The following USP9Y variants were observed in gnomAD, a reference collection of about 807,000 sequenced individuals.
USP9Y encodes ubiquitin carboxyl-terminal hydrolase 9Y.
A neutral mutation model predicts 53.1 loss-of-function variants in USP9Y; 41 were observed. That is an observed-to-expected ratio of 0.77 (90% CI 0.60 to 1.00). USP9Y has a LOEUF of 1.00. USP9Y is among the 50% of genes least tolerant of loss of function. USP9Y has a pLI of 0.00. For missense variants in USP9Y, 567 were observed against 535.8 expected, an observed-to-expected ratio of 1.06 and a Z score of -0.58; for synonymous variants, 220 against 173.7, an observed-to-expected ratio of 1.27 and a Z score of -2.09.
intron 27 of USP9Y, among the ~76,000 whole-genome samples, chrY:12,795,217 G>A (rs1034249601): frequency 3.0e-5 from 1 of 33,796 alleles, no homozygotes; most frequent in Non-Finnish European, 7.4e-5. Flanking sequence ...TTCATTGCTA[G>A]TATATCAAAA....
At chrY:12,731,058 T>C in intron 7 of USP9Y, among the ~76,000 whole-genome samples, 1 of 33,075 alleles carries the variant, frequency 3.0e-5, no homozygotes, top group Admixed American at 2.8e-4. Flanking sequence ...CTCATTTCCT[T>C]TTAGGCATAT....
chrY:12,849,578 T>C, intron 42 of USP9Y, among the ~76,000 whole-genome samples: 1 of 28,893 alleles, frequency 3.5e-5, no homozygotes, highest in African/African-American at 1.4e-4. Flanking sequence ...ATATTGGCTG[T>C]GGGTTTGTTA....
chrY:12,837,290 A>AT (rs2053555982), intron 34 of USP9Y, among the ~76,000 whole-genome samples: 1 of 32,475 alleles, frequency 3.1e-5, no homozygotes, highest in Non-Finnish European at 7.5e-5. Context: ...ATGGAAGATC[A>AT]TTTTTTTCAC....
Position 12,857,567 on chromosome Y carries a change from A to T in USP9Y, c.7436A>T (p.Glu2479Val). The change falls in exon 45 of 46, where the codon GAG (glutamate) becomes GTG (valine). Residue 2479 changes from glutamate to valine, a missense_variant and splice_region_variant. Transcript: ENST00000338981. The stretch of plus-strand genomic sequence containing the variant: ...ATCTCTTTAAATATTTAAAATTAGG[A>T]GCCAGATGACCAGGATGCCCCAGAT... ...AKACELCPEE[E>V]PDDQDAPDEH... is the part of the protein sequence containing the mutation. The T allele has an allele frequency of 2.6e-6, 1 of 382,296 alleles. No homozygotes were observed.
intron 15 of USP9Y, among the ~76,000 whole-genome samples, chrY:12,764,346 A>G (rs2053478412): frequency 3.0e-5 from 1 of 33,514 alleles, no homozygotes; most frequent in Non-Finnish European, 7.4e-5. Flanking sequence ...AAAACAATAG[A>G]TGATAAAAGA....
In USP9Y at chrY:12,846,341, G is replaced by GA; in HGVS notation, c.6583dup (p.Thr2195AsnfsTer31). Reference sequence around the variant, plus strand: ...TCTGTCCTTTTTTATAGGTGTGGCAGAAAAAACACAGCTTCTGAAATTGAA... The same window carrying GA: ...TCTGTCCTTTTTTATAGGTGTGGCAGAAAAAAACACAGCTTCTGAAATTGAA... On this transcript the variant is annotated frameshift_variant, in exon 40 of 46. Coordinates refer to ENST00000338981, the MANE Select transcript of USP9Y (RefSeq NM_004654.4). LOFTEE classifies it high-confidence loss of function. 1 of 397,091 alleles carries GA rather than the reference G, an allele frequency of 2.5e-6. No individual in the cohort carries two copies. Among genetic ancestry groups the GA allele is most frequent in the Non-Finnish European group, 3.5e-6 (1 of 282,690 alleles).
intron 38 of USP9Y, 91 bp downstream of exon 38, chrY:12,842,556 C>G: frequency 4.7e-6 from 1 of 211,583 alleles, no homozygotes; most frequent in Non-Finnish European, 7.9e-6. Flanking sequence ...ATTTATGTTC[C>G]TCTCTTTGAT....
Position 12,791,595 on chromosome Y carries a change from A to G in USP9Y, c.3784A>G (p.Asn1262Asp). ...CGALGLVFSP[N>D]EEITKIYQMT... The stretch of plus-strand genomic sequence containing the variant: ...GGCATTAGGACTAGTTTTTAGCCCA[A>G]ATGAAGAAATAACTAAAATTTATCA... The change falls in exon 26 of 46, where the codon AAT (asparagine) becomes GAT (aspartate). Residue 1262 changes from asparagine (N) to aspartate (D), a missense_variant. Physicochemically the swap from Asn to Asp is conservative, Grantham distance 23. Transcript: ENST00000338981. The G allele has an allele frequency of 2.6e-6, 1 of 389,854 alleles. No homozygotes were observed. The highest frequency in any genetic ancestry group is 3.6e-6 in the Non-Finnish European group (1 of 277,701).
intron 7 of USP9Y, among the ~76,000 whole-genome samples, chrY:12,728,074 T>C (rs2053444297): frequency 3.0e-5 from 1 of 33,313 alleles, no homozygotes; most frequent in African/African-American, 1.2e-4. Flanking sequence ...GGTTTTATCA[T>C]TGTGGTGGTA....
rs746911165 is a variant in USP9Y at position 12,816,116 on chromosome Y, C to T, written c.4610-8C>T. On this transcript the variant is annotated splice_region_variant and splice_polypyrimidine_tract_variant and intron_variant, in intron 31 of 45. Transcript: ENST00000338981. Reference sequence around the variant, plus strand: ...ATAGTATAAGCATCTTTTCTCTTTTCAACTCAGCTTGTGAAGCACTTACTG... The same window carrying T: ...ATAGTATAAGCATCTTTTCTCTTTTTAACTCAGCTTGTGAAGCACTTACTG... 1 of 396,164 alleles carries T rather than the reference C, an allele frequency of 2.5e-6. No homozygotes were observed. Among genetic ancestry groups the T allele is most frequent in the Non-Finnish European group, 3.6e-6 (1 of 281,507 alleles).
chrY:12,712,882 C>T, intron 3 of USP9Y, among the ~76,000 whole-genome samples: 1 of 32,657 alleles, frequency 3.1e-5, no homozygotes, highest in Non-Finnish European at 7.5e-5. Flanking sequence ...ATACCAAATC[C>T]GTAAGTCCAC....
chrY:12,835,030 T>G, intron 34 of USP9Y, among the ~76,000 whole-genome samples: 2 of 33,195 alleles, frequency 6.0e-5, no homozygotes, highest in Non-Finnish European at 7.4e-5. Context: ...TTCTATATTA[T>G]AAGGCATTGG....
chrY:12,744,196 A>G (rs2053459328), intron 12 of USP9Y, among the ~76,000 whole-genome samples: 1 of 33,694 alleles, frequency 3.0e-5, no homozygotes, highest in Admixed American at 2.7e-4. Flanking sequence ...AGCTTTTATA[A>G]GAAGCTCTTC....
At chrY:12,724,195 A>G in intron 5 of USP9Y, among the ~76,000 whole-genome samples, 1 of 34,031 alleles carries the variant, frequency 2.9e-5, no homozygotes, top group Non-Finnish European at 7.3e-5. Flanking sequence ...AGATAAAACT[A>G]GTTTAAATGA....
intron 31 of USP9Y, among the ~76,000 whole-genome samples, chrY:12,814,404 T>C: frequency 4.0e-5 from 1 of 25,010 alleles, no homozygotes; most frequent in East Asian, 1.0e-3. Context: ...GGCGGGCGCC[T>C]GTAGTCCCAG....
At chrY:12,817,471 G>A (rs939944946) in intron 32 of USP9Y, among the ~76,000 whole-genome samples, 4 of 33,401 alleles carry the variant, frequency 1.2e-4, no homozygotes, top group Non-Finnish European at 2.2e-4. Flanking sequence ...ACTTGCTGCC[G>A]CCTTTCAAGA....
chrY:12,720,519 T>C, intron 3 of USP9Y, 70 bp from the exon 4 acceptor site: 1 of 286,407 alleles, frequency 3.5e-6, no homozygotes, highest in African/African-American at 7.4e-5. Context: ...GGCATATATA[T>C]GGATACTTAA....
At chrY:12,760,958 C>T in intron 15 of USP9Y, among the ~76,000 whole-genome samples, 1 of 34,056 alleles carries the variant, frequency 2.9e-5, no homozygotes, top group Non-Finnish European at 7.3e-5. Context: ...CAAGTCATTA[C>T]GCTTTTGCTC....
At chrY:12,777,678 A>G in intron 19 of USP9Y, among the ~76,000 whole-genome samples, 1 of 33,413 alleles carries the variant, frequency 3.0e-5, no homozygotes, top group Non-Finnish European at 7.4e-5. Flanking sequence ...GTGTTTGAAA[A>G]TAGTCTTAGT....
Sources: allele counts gnomAD v4.1 joint callset (sites outside exome capture counted in the v4.1 genomes callset), GRCh38; gene constraint gnomAD v4.1.1; transcripts MANE v1.5; gene names NCBI Gene and HGNC (gene_info 2026-07-23, HGNC 2026-07-21).